KMT2C: variants seen among roughly 807,000 people sequenced by gnomAD.
The protein encoded by KMT2C is lysine methyltransferase 2C.
Under a neutral mutation model 507.9 loss-of-function variants are expected in KMT2C, and 88 were observed. The ratio of observed to expected loss-of-function variants is 0.17; its 90% CI spans 0.15 to 0.21. The LOEUF is 0.21. KMT2C is among the 10% of genes least tolerant of loss of function. The pLI is 1.00. For missense variants in KMT2C, 4,954 were observed against 5,957.8 expected (o/e 0.83, Z 5.55); for synonymous variants, 2,049 against 2,080.8 (o/e 0.98, Z 0.42).
intron 57 of KMT2C, 101 bp downstream of exon 57, chr7:152,139,085 C>T (rs530013460): frequency 8.4e-7 from 1 of 1,190,310 alleles, no homozygotes; most frequent in Non-Finnish European, 1.2e-6. Context: ...TTAGTCACCG[C>T]CAGGCTGCCG....
At chr7:152,336,773 A>AT (rs2096939580) in intron 2 of KMT2C, among the ~76,000 whole-genome samples, 9 of 152,132 alleles carry the variant, frequency 5.9e-5, no homozygotes, top group Admixed American at 5.9e-4. Flanking sequence ...TCAGTGTGGT[A>AT]TTTTTCTTGA....
intron 2 of KMT2C, among the ~76,000 whole-genome samples, chr7:152,340,110 A>G (rs991952772): frequency 6.6e-6 from 1 of 150,442 alleles, no homozygotes; most frequent in Non-Finnish European, 1.5e-5. Flanking sequence ...CAGCTTCCCC[A>G]CTAGCCAGGA....
At chr7:152,286,164 TAATCTACAA>T in intron 6 of KMT2C, among the ~76,000 whole-genome samples, 1 of 152,428 alleles carries the variant, frequency 6.6e-6, no homozygotes, top group Non-Finnish European at 1.5e-5. Flanking sequence ...AGACCCTCAG[TAATCTACAA>T]AATATCAAAT....
At chr7:152,205,250 A>C in intron 24 of KMT2C, 25 bp from the exon 25 acceptor site, 1 of 1,603,226 alleles carries the variant, frequency 6.2e-7, no homozygotes, top group Non-Finnish European at 8.5e-7. Flanking sequence ...AATTAGGTAA[A>C]CTGATAAGTA....
intron 3 of KMT2C, among the ~76,000 whole-genome samples, chr7:152,315,778 G>T (rs1034708257): frequency 6.6e-6 from 1 of 152,076 alleles, no homozygotes; most frequent in Admixed American, 6.6e-5. Context: ...TTAGCTGGGT[G>T]TGGTGGCACA....
Position 152,384,548 on chromosome 7 carries a change from ACACCACCACCACCACCACCAC to A in KMT2C, c.162-25894_162-25874del, listed in dbSNP as rs71198780. Among the ~76,000 whole-genome samples the A allele has an allele frequency of 7.0e-3, 438 of 62,224 alleles. 1 individual carries two copies. The highest frequency in any genetic ancestry group is 0.013 in the Admixed American group (61 of 4,712). 40.8% of individuals were successfully genotyped at this position (62,224 alleles called of 152,430 possible). A position where few individuals can be genotyped will look rare whatever the true frequency, so the allele number is the denominator to read the frequency against. ...TGCTATATTATCCCCCATGTGCATAACACCACCACCACCACCACCACCACCACCACCACCACCACCACCACC... is the reference window on the plus strand; with the variant it reads ...TGCTATATTATCCCCCATGTGCATAACACCACCACCACCACCACCACCACC... On this transcript the variant is annotated intron_variant, in intron 1 of 58. Coordinates refer to ENST00000262189, the MANE Select transcript of KMT2C (RefSeq NM_170606.3).
chr7:152,242,857 C>T (rs1254659133), intron 14 of KMT2C, among the ~76,000 whole-genome samples: 3 of 152,172 alleles, frequency 2.0e-5, no homozygotes, highest in Non-Finnish European at 2.9e-5. Flanking sequence ...AAACTTTACA[C>T]CTCCAAATCC....
intron 2 of KMT2C, among the ~76,000 whole-genome samples, chr7:152,332,675 CCTGTCT>C (rs751615119): frequency 4.6e-5 from 7 of 152,088 alleles, no homozygotes; most frequent in Non-Finnish European, 1.0e-4. Flanking sequence ...ATGGTGAAAC[CCTGTCT>C]CTACTAAAAA....
Position 152,311,787 on chromosome 7 carries a change from C to T in KMT2C, c.739+11G>A, listed in dbSNP as rs1253594246. 6.4e-7 allele frequency: 1 copy of T among 1,566,742 alleles called. No individual in the cohort carries two copies. The highest frequency in any genetic ancestry group is 1.4e-5 in the African/African-American group (1 of 73,744). On this transcript the variant is annotated intron_variant, in intron 5 of 58. Coordinates refer to ENST00000262189, the MANE Select transcript of KMT2C (RefSeq NM_170606.3). ...ATTAAGAGGCAGTCATTATTGAAAACATGCCCATACCTGTAGAATCAAATA... is the reference window on the plus strand; with the variant it reads ...ATTAAGAGGCAGTCATTATTGAAAATATGCCCATACCTGTAGAATCAAATA...
Position 152,309,507 on chromosome 7 carries a change from CTTTT to C in KMT2C, c.849+455_849+458del, listed in dbSNP as rs60166582. On this transcript the variant is annotated intron_variant, in intron 6 of 58. Coordinates refer to ENST00000262189, the MANE Select transcript of KMT2C (RefSeq NM_170606.3). ...CCCGGCTAATTTTTGCATAAAATAA[CTTTT>C]TTTTTTTTTTTTTTTTTTTTTTTAA... Among the ~76,000 whole-genome samples, 867 of 87,960 alleles carry C rather than the reference CTTTT, an allele frequency of 9.9e-3. 17 individuals carry two copies. Among genetic ancestry groups the C allele is most frequent in the African/African-American group, 0.039 (812 of 21,058 alleles). 57.7% of individuals were successfully genotyped at this position (87,960 alleles called of 152,430 possible).
intron 1 of KMT2C, among the ~76,000 whole-genome samples, chr7:152,421,960 T>C (rs953530149): frequency 6.7e-6 from 1 of 150,182 alleles, no homozygotes; most frequent in African/African-American, 2.5e-5. Flanking sequence ...GGAATGAATG[T>C]AGGACATTTT....
intron 6 of KMT2C, among the ~76,000 whole-genome samples, chr7:152,293,608 G>C (rs2096457838): frequency 6.6e-6 from 1 of 151,948 alleles, no homozygotes; most frequent in South Asian, 2.1e-4. Context: ...CATTCAAGGG[G>C]TCCTTTACAA....
At chr7:152,337,958 G>A (rs915581330) in intron 2 of KMT2C, among the ~76,000 whole-genome samples, 1 of 151,614 alleles carries the variant, frequency 6.6e-6, no homozygotes, top group East Asian at 1.9e-4. Flanking sequence ...CCAGGTTCAC[G>A]CCATTCTCCT....
At chr7:152,147,889 C>T in intron 52 of KMT2C, 144 bp downstream of exon 52, 1 of 865,464 alleles carries the variant, frequency 1.2e-6, no homozygotes, top group Non-Finnish European at 1.7e-6. Context: ...TGTGAGAACA[C>T]AAACATTGGC....
Position 152,314,993 on chromosome 7 carries a change from G to C in KMT2C, c.590+145C>G, listed in dbSNP as rs1031343519. 4.7e-6 allele frequency: 3 copies of C among 644,942 alleles called. No individual in the cohort carries two copies. The African/African-American group carries it at 5.5e-5, about 12-fold the overall frequency. 40.0% of individuals were successfully genotyped at this position (644,942 alleles called of 1,614,324 possible). On this transcript the variant is annotated intron_variant, in intron 4 of 58. Coordinates refer to ENST00000262189, the MANE Select transcript of KMT2C (RefSeq NM_170606.3). ...GTTTGTTGGATTAATTGGGTTAATG[G>C]TGAGTCAGAGTATCCCATAAATGTG... is the stretch of plus-strand genomic sequence containing the variant.
intron 9 of KMT2C, among the ~76,000 whole-genome samples, chr7:152,255,223 G>A (rs1244233739): frequency 6.7e-6 from 1 of 148,194 alleles, no homozygotes; most frequent in Non-Finnish European, 1.5e-5. Flanking sequence ...CTGGAATACA[G>A]TAGCATGATC....
At chr7:152,200,964 G>A (rs2094118067) in intron 26 of KMT2C, among the ~76,000 whole-genome samples, 1 of 152,036 alleles carries the variant, frequency 6.6e-6, no homozygotes, top group African/African-American at 2.4e-5. Context: ...TAGAATACCA[G>A]GTAGAAGAGG....
rs2129114239 is a variant in KMT2C at position 152,177,120 on chromosome 7, T to C, written c.8333A>G (p.Asp2778Gly). ...ATCTAACTTATCATCAATTGGAAGG[T>C]CTAGTTCCTCATTAAACATGCTTTT... Reference protein sequence around the residue: ...DKKSMFNEELDLPIDDKLDNQ... With the variant: ...DKKSMFNEELGLPIDDKLDNQ... Residue 2778 changes from aspartate to glycine, a missense_variant, in exon 38 of 59, where the codon GAC becomes GGC. This residue lies in a region of KMT2C where 1,689 missense variants were observed against 1,654.3 expected (regional missense o/e 1.02). Transcript: ENST00000262189. 1 of 1,613,344 alleles carries C rather than the reference T, an allele frequency of 6.2e-7. No homozygotes were observed. The highest frequency in any genetic ancestry group is 8.5e-7 in the Non-Finnish European group (1 of 1,179,814).
At chr7:152,168,160 G>T (rs1345753148) in intron 41 of KMT2C, among the ~76,000 whole-genome samples, 1 of 151,148 alleles carries the variant, frequency 6.6e-6, no homozygotes, top group Non-Finnish European at 1.5e-5. Flanking sequence ...AAAAAAAAAA[G>T]TCATCGTATG....
Sources: gnomAD v4.1 joint callset for allele counts (sites outside exome capture counted in the v4.1 genomes callset) on GRCh38, gnomAD v4.1.1 for gene constraint, gnomAD v4.1.1 regional missense constraint, MANE v1.5 for transcripts, NCBI Gene and HGNC (gene_info 2026-07-23, HGNC 2026-07-21) for gene names.